Variants in NUGGC observed in about 807,000 individuals in gnomAD.
NUGGC encodes the protein nuclear GTPase SLIP-GC.
In NUGGC, 58 loss-of-function variants were observed where a neutral mutation model predicts 92.6. The observed-to-expected ratio is 0.63, with a 90% CI of 0.51 to 0.78. The LOEUF (loss-of-function observed/expected upper bound fraction) is 0.78, where lower values mean the gene tolerates loss of function less well. Ranked by LOEUF, NUGGC falls within the 30% of genes least tolerant of loss-of-function variation. NUGGC has a pLI of 0.00. For missense variants in NUGGC, 925 were observed against 964.6 expected, an observed-to-expected ratio of 0.96 and a Z score of 0.54; for synonymous variants, 376 against 366.4, an observed-to-expected ratio of 1.03 and a Z score of -0.30.
intron 9 of NUGGC, among the ~76,000 whole-genome samples, chr8:28,056,531 C>T (rs541107597): frequency 6.0e-5 from 9 of 150,340 alleles, no homozygotes; most frequent in South Asian, 2.1e-4. Context: ...GTTTGAACTG[C>T]GTAGGTCCAC....
chr8:28,080,832 C>T (rs549955763), intron 1 of NUGGC, among the ~76,000 whole-genome samples: 1 of 152,294 alleles, frequency 6.6e-6, no homozygotes, highest in South Asian at 2.1e-4. Flanking sequence ...GTCACAGTAT[C>T]TGCAAACAAA....
chr8:28,062,580 G>A (rs1346486346), intron 7 of NUGGC, among the ~76,000 whole-genome samples: 3 of 152,298 alleles, frequency 2.0e-5, no homozygotes, highest in African/African-American at 7.2e-5. Context: ...TTATGCCACT[G>A]TACTCCAGTC....
rs1047520938 is a variant in NUGGC at position 28,049,296 on chromosome 8, G to T, written c.1207-1684C>A. On this transcript the variant is annotated intron_variant, in intron 10 of 18. Coordinates refer to ENST00000413272, the MANE Select transcript of NUGGC (RefSeq NM_001010906.2). ...GTTGCAAAAAGAATCTATCTGCTGA[G>T]ATTTTGCTTTGATTGAGTTTTCACT... 7.2e-5 allele frequency among the ~76,000 whole-genome samples: 11 copies of T among 152,256 alleles called. No individual in the cohort carries two copies. The East Asian group carries it at 2.1e-3, about 29-fold the overall frequency.
rs1427676062 is a variant in NUGGC at position 28,068,432 on chromosome 8, C to G, written c.264G>C (p.Arg88Ser). Residue 88 changes from arginine (R) to serine (S), a missense_variant, in exon 5 of 19, where the codon AGG becomes AGC. Transcript: ENST00000413272. ...IPNGVKYLIN[R>S]LLALIEKPTV... Reference sequence around the variant, plus strand: ...TCGGCTTTTCAATCAAGGCAAGAAGCCTATTTCTGGATGAATTTTAAAATG... The same window carrying G: ...TCGGCTTTTCAATCAAGGCAAGAAGGCTATTTCTGGATGAATTTTAAAATG... 4 of 1,558,368 alleles carry G rather than the reference C, an allele frequency of 2.6e-6. No individual in the cohort carries two copies. The highest frequency in any genetic ancestry group is 3.5e-6 in the Non-Finnish European group (4 of 1,147,606).
intron 1 of NUGGC, among the ~76,000 whole-genome samples, chr8:28,081,062 T>C (rs985521111): frequency 3.3e-5 from 5 of 152,172 alleles, no homozygotes; most frequent in Non-Finnish European, 5.9e-5. Context: ...CTCATGCCTG[T>C]AATTCTAGCA....
chr8:28,065,167 T>G (rs973765922), intron 6 of NUGGC, among the ~76,000 whole-genome samples: 1 of 142,318 alleles, frequency 7.0e-6, no homozygotes, highest in Admixed American at 6.9e-5. Context: ...TTTTTTTTTT[T>G]TTTTTTTTTT....
chr8:28,077,580 T>A (rs1563234179), intron 1 of NUGGC, among the ~76,000 whole-genome samples: 1 of 151,368 alleles, frequency 6.6e-6, no homozygotes, highest in East Asian at 1.9e-4. Flanking sequence ...AAAAAAAAAA[T>A]TAGATACAGA....
chr8:28,068,572 T>G, intron 4 of NUGGC, 134 bp from the exon 5 acceptor site: 1 of 633,360 alleles, frequency 1.6e-6, no homozygotes, highest in Non-Finnish European at 2.8e-6. Context: ...CTCTCCTCTG[T>G]CAAAGGAGAA....
chr8:28,070,439 A>G, intron 2 of NUGGC, 83 bp from the exon 3 acceptor site: 1 of 733,332 alleles, frequency 1.4e-6, no homozygotes, highest in Non-Finnish European at 2.3e-6. Context: ...TAGAAACTCA[A>G]AGGGTCTAAC....
At chr8:28,072,409 C>T (rs1377869194) in intron 2 of NUGGC, among the ~76,000 whole-genome samples, 1 of 152,184 alleles carries the variant, frequency 6.6e-6, no homozygotes, top group Non-Finnish European at 1.5e-5. Context: ...AAAAGCATCT[C>T]AGAACTCCAG....
intron 12 of NUGGC, among the ~76,000 whole-genome samples, chr8:28,044,470 T>G (rs1809776696): frequency 6.6e-6 from 1 of 152,136 alleles, no homozygotes; most frequent in African/African-American, 2.4e-5. Flanking sequence ...GTGCCCTGAT[T>G]GGAGGCTGTT....
At chr8:28,059,058 T>C (rs1329866836) in intron 8 of NUGGC, among the ~76,000 whole-genome samples, 1 of 152,146 alleles carries the variant, frequency 6.6e-6, no homozygotes, top group African/African-American at 2.4e-5. Flanking sequence ...AGATATTCTC[T>C]GCTGGGGTGA....
chr8:28,031,519 G>T (rs935145442), intron 14 of NUGGC, 138 bp from the exon 15 acceptor site: 2 of 829,626 alleles, frequency 2.4e-6, no homozygotes, highest in Non-Finnish European at 3.8e-6. Context: ...TCCCTATAAT[G>T]TGCCAGGCAC....
At chr8:28,062,268 G>C (rs1051606618) in intron 7 of NUGGC, among the ~76,000 whole-genome samples, 2 of 152,164 alleles carry the variant, frequency 1.3e-5, no homozygotes, top group African/African-American at 4.8e-5. Context: ...ATTTAGGCAA[G>C]AAAATAAAAA....
intron 13 of NUGGC, among the ~76,000 whole-genome samples, chr8:28,037,804 T>C (rs997956132): frequency 8.5e-5 from 13 of 152,196 alleles, no homozygotes; most frequent in Non-Finnish European, 1.9e-4. Flanking sequence ...AGACCAGTGA[T>C]TCTCAACCGG....
intron 18 of NUGGC, among the ~76,000 whole-genome samples, chr8:28,024,134 C>T (rs1008634557): frequency 6.6e-6 from 1 of 152,070 alleles, no homozygotes; most frequent in Non-Finnish European, 1.5e-5. Context: ...AGTGCTTCTG[C>T]CTCAGACACC....
rs115282805 is a variant in NUGGC at position 28,050,650 on chromosome 8, A to C, written c.1207-3038T>G. On this transcript the variant is annotated intron_variant, in intron 10 of 18. Transcript: ENST00000413272. ...ATATGGTGAAACCCTGTCTTCACTA[A>C]AACTACAAAAATTAGCCAGTTGTGG... Among the ~76,000 whole-genome samples, 482 of 152,030 alleles carry C rather than the reference A, an allele frequency of 3.2e-3. 2 individuals carry two copies. Among genetic ancestry groups the C allele is most frequent in the African/African-American group, 0.011 (467 of 41,492 alleles).
At chr8:28,078,493 G>C (rs1810774654) in intron 1 of NUGGC, among the ~76,000 whole-genome samples, 1 of 152,166 alleles carries the variant, frequency 6.6e-6, no homozygotes, top group Admixed American at 6.5e-5. Flanking sequence ...GAAGCTTCCA[G>C]CTCCAGCTTT....
rs758613067 is a variant in NUGGC, at chr8:28,045,527, C to T, written c.1446G>A (p.Pro482=). ...TDSFNSTQNL[P]NEHLHMSVLR... ...TATGAAAACCCAGTGTCTTCCATAC[C>T]GGCAGGTTTTGCGTGGAGTTGAAAC... Residue 482 remains proline, a splice_region_variant and synonymous_variant, in exon 12 of 19, where the codon CCG becomes CCA. Transcript: ENST00000413272. 1.9e-5 allele frequency: 30 copies of T among 1,611,268 alleles called. No individual in the cohort carries two copies. Among genetic ancestry groups the T allele is most frequent in the South Asian group, 2.2e-5 (2 of 90,740 alleles).
Sources: allele counts gnomAD v4.1 joint callset (sites outside exome capture counted in the v4.1 genomes callset), GRCh38; gene constraint gnomAD v4.1.1; transcripts MANE v1.5; gene names NCBI Gene and HGNC (gene_info 2026-07-23, HGNC 2026-07-21).